ZNF93: variants seen among roughly 807,000 people sequenced by gnomAD.
ZNF93 encodes zinc finger protein 93.
ZNF93 carries 29 observed loss-of-function variants against 45.0 expected under a neutral mutation model. That is an observed-to-expected ratio of 0.64 (90% CI 0.48 to 0.88). The LOEUF (loss-of-function observed/expected upper bound fraction) is 0.88, where lower values mean the gene tolerates loss of function less well. Among genes scored for constraint, ZNF93 ranks in the 40% least tolerant of loss-of-function variants. The pLI, the probability that ZNF93 is intolerant of heterozygous loss-of-function variation, is 0.00. For synonymous variants in ZNF93, 223 were observed against 244.6 expected (o/e 0.91, Z 0.82); for missense variants, 578 against 724.0 (o/e 0.80, Z 2.31).
At chr19:19,903,062 G>T (rs2063280459) in intron 1 of ZNF93, among the ~76,000 whole-genome samples, 1 of 152,154 alleles carries the variant, frequency 6.6e-6, no homozygotes, top group African/African-American at 2.4e-5. Flanking sequence ...TACTGACGAT[G>T]AAGTTGTTAT....
intron 1 of ZNF93, 71 bp downstream of exon 1, chr19:19,901,162 C>T: frequency 2.5e-6 from 4 of 1,606,076 alleles, no homozygotes; most frequent in Non-Finnish European, 3.4e-6. Context: ...GTGACGGTGG[C>T]GGGACTCAGG....
At chr19:19,906,590 G>A (rs184349412) in intron 1 of ZNF93, among the ~76,000 whole-genome samples, 1 of 152,190 alleles carries the variant, frequency 6.6e-6, no homozygotes, top group East Asian at 1.9e-4. Context: ...GCTTCATCAT[G>A]AAGTCTTTGC....
intron 1 of ZNF93, among the ~76,000 whole-genome samples, chr19:19,913,999 T>C (rs546842955): frequency 1.3e-5 from 2 of 150,116 alleles, no homozygotes; most frequent in Admixed American, 1.3e-4. Flanking sequence ...TCAAGGATCT[T>C]TGAAAAATAT....
chr19:19,901,923 C>G (rs1410553312), intron 1 of ZNF93, among the ~76,000 whole-genome samples: 1 of 152,104 alleles, frequency 6.6e-6, no homozygotes, highest in Non-Finnish European at 1.5e-5. Context: ...AACCCCGTCT[C>G]TACTAAAAAT....
chr19:19,929,471 T>G (rs1250222730), intron 3 of ZNF93, among the ~76,000 whole-genome samples: 2 of 152,204 alleles, frequency 1.3e-5, no homozygotes, highest in Non-Finnish European at 2.9e-5. Flanking sequence ...CTCGCTTCAC[T>G]TTTATCAATA....
intron 3 of ZNF93, chr19:19,927,003 A>G: frequency 2.5e-6 from 1 of 395,896 alleles, no homozygotes; most frequent in Middle Eastern, 6.4e-4. Flanking sequence ...GTAATTTTCA[A>G]AAAGATTTAT....
At chr19:19,918,866 G>A (rs1431546536) in intron 3 of ZNF93, among the ~76,000 whole-genome samples, 2 of 151,816 alleles carry the variant, frequency 1.3e-5, no homozygotes, top group African/African-American at 4.8e-5. Flanking sequence ...TTTGTCAGAT[G>A]AGTAGATTGC....
chr19:19,925,004 C>T (rs566640212), intron 3 of ZNF93, among the ~76,000 whole-genome samples: 12 of 152,314 alleles, frequency 7.9e-5, no homozygotes, highest in Admixed American at 3.9e-4. Flanking sequence ...GTCTGTAGGC[C>T]TGCCTACATG....
At chr19:19,908,869 A>AAAAAT (rs71172546) in intron 1 of ZNF93, 1 of 148,804 alleles carries the variant, frequency 6.7e-6, no homozygotes, top group Non-Finnish European at 1.4e-5. Context: ...AAAAAAAAAA[A>AAAAAT]TCTTGCTCAG....
At position 19,935,338 on chromosome 19, in the gene ZNF93, G is replaced by A. The variant is rs1048421; in HGVS notation, c.*520G>A. 66,130 of 154,542 alleles carry A rather than the reference G, an allele frequency of 0.43. 18,912 individuals are homozygous for A. Among genetic ancestry groups the A allele is most frequent in the African/African-American group, 0.81 (33,451 of 41,494 alleles). 9.6% of individuals were successfully genotyped at this position (154,542 alleles called of 1,614,324 possible). A position where few individuals can be genotyped will look rare whatever the true frequency, so the allele number is the denominator to read the frequency against. On this transcript the variant is annotated 3_prime_UTR_variant, in exon 4 of 4. Coordinates refer to ENST00000343769, the MANE Select transcript of ZNF93 (RefSeq NM_031218.4). Reference sequence around the variant, plus strand: ...TGCAGACCCAGCAACCTTGTGACCAGGCTAAAACCCCTCATCACTACAAAT... The same window carrying A: ...TGCAGACCCAGCAACCTTGTGACCAAGCTAAAACCCCTCATCACTACAAAT...
At chr19:19,920,635 C>T (rs1372536708) in intron 3 of ZNF93, among the ~76,000 whole-genome samples, 1 of 152,112 alleles carries the variant, frequency 6.6e-6, no homozygotes, top group Non-Finnish European at 1.5e-5. Flanking sequence ...TGTTATTGGT[C>T]TATTCAGAGA....
At chr19:19,907,017 C>G (rs2063294962) in intron 1 of ZNF93, among the ~76,000 whole-genome samples, 1 of 150,662 alleles carries the variant, frequency 6.6e-6, no homozygotes, top group African/African-American at 2.4e-5. Context: ...AAAAATTTTG[C>G]TATTCTCTCT....
At chr19:19,933,053 A>G (rs1326888704) in intron 3 of ZNF93, 129 bp from the exon 4 acceptor site, 5 of 739,960 alleles carry the variant, frequency 6.8e-6, no homozygotes, top group African/African-American at 1.8e-5. Flanking sequence ...TCAGGAAGAC[A>G]TTACAGCTTG....
intron 3 of ZNF93, among the ~76,000 whole-genome samples, chr19:19,921,050 A>G (rs1453370058): frequency 6.6e-6 from 1 of 152,002 alleles, no homozygotes; most frequent in East Asian, 1.9e-4. Context: ...TCAATTTTAG[A>G]TCTTTCCTGC....
In ZNF93 at chr19:19,933,404, AT is replaced by A. The variant is rs746530977; in HGVS notation, c.450del (p.Tyr150Ter). On this transcript the variant is annotated frameshift_variant, in exon 4 of 4. Transcript: ENST00000343769. LOFTEE classifies it high-confidence loss of function. ...AGCAAAGTATTTCAATGTGATAAAT[AT>A]GGGAAAGTCTTTCATAAATTTTCAA... ...TQSKVFQCDKYGKVFHKFSNS... is the reference protein window; with the variant it reads ...TQSKVFQCDKXGKVFHKFSNS... The A allele has an allele frequency of 2.5e-6, 4 of 1,598,046 alleles. No homozygotes were observed. In the South Asian group the frequency reaches 4.5e-5, roughly 18 times the overall value.
At chr19:19,932,931 C>A (rs2063379107) in intron 3 of ZNF93, 1 of 257,986 alleles carries the variant, frequency 3.9e-6, no homozygotes. Flanking sequence ...GTAAAGACAT[C>A]TTCAAAATAT....
chr19:19,912,530 C>T (rs1418356699), intron 1 of ZNF93, among the ~76,000 whole-genome samples: 6 of 152,170 alleles, frequency 3.9e-5, no homozygotes, highest in Admixed American at 6.5e-5. Context: ...TTATTAAAAC[C>T]AGTGCTTGCA....
chr19:19,933,590 AC>A lies in ZNF93; in HGVS notation c.636del (p.Ser213ProfsTer172), dbSNP rs756629792. 8.7e-6 allele frequency: 14 copies of A among 1,606,706 alleles called. No individual in the cohort carries two copies. The African/African-American group carries it at 1.9e-4, about 22-fold the overall frequency. On this transcript the variant is annotated frameshift_variant, in exon 4 of 4. Coordinates refer to ENST00000343769, the MANE Select transcript of ZNF93 (RefSeq NM_031218.4). LOFTEE classifies it high-confidence loss of function. ...ICEECGKAFKYSSALNTHKRI... is the reference protein window; with the variant it reads ...ICEECGKAFKXSSALNTHKRI... ...GAAGAATGTGGCAAAGCCTTTAAGT[AC>A]TCCTCTGCCCTTAATACACATAAGA...
At chr19:19,923,468 CAG>C (rs961559123) in intron 3 of ZNF93, among the ~76,000 whole-genome samples, 1 of 152,156 alleles carries the variant, frequency 6.6e-6, no homozygotes, top group Non-Finnish European at 1.5e-5. Context: ...TCCAAGCTGT[CAG>C]AGGTTTCTCC....
Sources: allele counts gnomAD v4.1 joint callset (sites outside exome capture counted in the v4.1 genomes callset), GRCh38; gene constraint gnomAD v4.1.1; transcripts MANE v1.5; gene names NCBI Gene and HGNC (gene_info 2026-07-23, HGNC 2026-07-21).